CRIPTO: variants seen among roughly 807,000 people sequenced by gnomAD.
The protein encoded by CRIPTO is cripto, EGF-CFC family member.
At chr3:46,579,839 C>A in the CRIPTO span, 1 of 1,614,002 alleles carries the variant, frequency 6.2e-7, no homozygotes, top group Non-Finnish European at 8.5e-7. Flanking sequence ...ACTGTGAGCA[C>A]GATGTGCGCA....
At chr3:46,580,147 C>T in the CRIPTO span, 3 of 1,569,840 alleles carry the variant, frequency 1.9e-6, no homozygotes, top group Non-Finnish European at 2.6e-6. Flanking sequence ...CTCCTTGTAC[C>T]TCTTGTCTTG....
chr3:46,577,912 C>A, the CRIPTO span: 2 of 1,563,526 alleles, frequency 1.3e-6, no homozygotes, highest in African/African-American at 2.7e-5. Flanking sequence ...GCTGTTTTGG[C>A]AATGACTCTG....
the CRIPTO span, chr3:46,581,007 G>A: frequency 2.7e-6 from 2 of 742,716 alleles, no homozygotes; most frequent in Non-Finnish European, 4.8e-6. Flanking sequence ...ACTGGGCTAG[G>A]TTCCAGGTGT....
the CRIPTO span, among the ~76,000 whole-genome samples, chr3:46,578,581 C>G: frequency 6.6e-6 from 1 of 152,022 alleles, no homozygotes; most frequent in Admixed American, 6.6e-5. Flanking sequence ...TGGTGGCGGG[C>G]ACCTGTAATC....
the CRIPTO span, chr3:46,577,974 A>T: frequency 6.2e-7 from 1 of 1,614,200 alleles, no homozygotes; most frequent in Non-Finnish European, 8.5e-7. Context: ...AAAGCTATGG[A>T]CTGCAGGAAG....
At chr3:46,580,457 A>C in the CRIPTO span, among the ~76,000 whole-genome samples, 8 of 152,246 alleles carry the variant, frequency 5.3e-5, no homozygotes, top group African/African-American at 7.2e-5. Flanking sequence ...GACAAATTCT[A>C]TCAGAGGCTT....
At chr3:46,577,896 C>G in the CRIPTO span, 1 of 1,486,398 alleles carries the variant, frequency 6.7e-7, no homozygotes, top group Non-Finnish European at 9.4e-7. Context: ...TGAATGTTTT[C>G]CTTTGGCTGT....
chr3:46,582,365 G>T, the CRIPTO span: 1 of 152,118 alleles, frequency 6.6e-6, no homozygotes, highest in Admixed American at 6.5e-5. Flanking sequence ...ATATTTAGTT[G>T]TAAACCAAGT....
the CRIPTO span, chr3:46,578,117 C>A: frequency 8.6e-7 from 1 of 1,157,692 alleles, no homozygotes; most frequent in Non-Finnish European, 1.3e-6. Flanking sequence ...CTTAAAAGAG[C>A]TGCCAACCGC....
chr3:46,580,421 G>A, the CRIPTO span, among the ~76,000 whole-genome samples: 5 of 152,120 alleles, frequency 3.3e-5, no homozygotes, highest in African/African-American at 4.8e-5. Context: ...ACCAGGATGG[G>A]CAGCTCATTT....
chr3:46,576,218 C>T, the CRIPTO span, among the ~76,000 whole-genome samples: 1 of 152,218 alleles, frequency 6.6e-6, no homozygotes, highest in South Asian at 2.1e-4. Flanking sequence ...GCCTGTAATC[C>T]CAGCACTTTG....
At chr3:46,576,471 A>C in the CRIPTO span, among the ~76,000 whole-genome samples, 2 of 105,116 alleles carry the variant, frequency 1.9e-5, no homozygotes, top group South Asian at 3.6e-4. Context: ...ACAGAGGGAG[A>C]CTCTGTCGCA....
At chr3:46,580,247 C>T in the CRIPTO span, 6 of 751,366 alleles carry the variant, frequency 8.0e-6, no homozygotes, top group Admixed American at 2.4e-5. Context: ...TTTATTTCCT[C>T]GGGAACCTGG....
the CRIPTO span, among the ~76,000 whole-genome samples, chr3:46,580,278 A>G: frequency 1.3e-5 from 2 of 152,120 alleles, no homozygotes; most frequent in Admixed American, 6.5e-5. Flanking sequence ...TGCCTTTCAG[A>G]TAGAGATGTA....
At chr3:46,579,315 G>A in the CRIPTO span, 7 of 1,614,154 alleles carry the variant, frequency 4.3e-6, no homozygotes, top group Non-Finnish European at 5.9e-6. Flanking sequence ...GGAGGAGCCT[G>A]CAATTCGGCC....
At chr3:46,580,166 T>A in the CRIPTO span, 1 of 1,478,664 alleles carries the variant, frequency 6.8e-7, no homozygotes, top group Admixed American at 1.9e-5. Context: ...TGCTAGAGCC[T>A]GGCAGCCAAA....
the CRIPTO span, among the ~76,000 whole-genome samples, chr3:46,578,179 T>C: frequency 6.6e-6 from 1 of 152,240 alleles, no homozygotes; most frequent in Non-Finnish European, 1.5e-5. Flanking sequence ...CTTCTAACTT[T>C]GCCATTGGCT....
chr3:46,579,811 C>A, the CRIPTO span: 1 of 1,613,900 alleles, frequency 6.2e-7, no homozygotes, highest in Non-Finnish European at 8.5e-7. Flanking sequence ...GCCTGCCCTC[C>A]CTCCTTCTAC....
chr3:46,575,213 TC>T, the CRIPTO span, among the ~76,000 whole-genome samples: 1 of 152,206 alleles, frequency 6.6e-6, no homozygotes, highest in East Asian at 1.9e-4. Flanking sequence ...ACAATTAGAA[TC>T]AACAATTACT....
Sources: gnomAD v4.1 joint callset for allele counts (sites outside exome capture counted in the v4.1 genomes callset) on GRCh38, gnomAD v4.1.1 for gene constraint, MANE v1.5 for transcripts, NCBI Gene and HGNC (gene_info 2026-07-23, HGNC 2026-07-21) for gene names.